Variants in OLA1 observed in about 807,000 individuals in gnomAD.
OLA1 encodes obg-like ATPase 1.
OLA1 carries 14 observed loss-of-function variants against 48.4 expected under a neutral mutation model. The ratio of observed to expected loss-of-function variants is 0.29; its 90% confidence interval spans 0.19 to 0.45. The LOEUF (loss-of-function observed/expected upper bound fraction) is 0.45. OLA1 is among the 20% of genes least tolerant of loss of function. OLA1 has a pLI of 1.00. For synonymous variants in OLA1, 127 were observed against 150.4 expected, an observed-to-expected ratio of 0.84 and a Z score of 1.14; for missense variants, 325 against 467.1, an observed-to-expected ratio of 0.70 and a Z score of 2.80.
chr2:174,102,350 T>G (rs917168665), intron 7 of OLA1, among the ~76,000 whole-genome samples: 1 of 151,676 alleles, frequency 6.6e-6, no homozygotes, highest in Admixed American at 6.6e-5. Flanking sequence ...AAGTTAACAA[T>G]TCCACAATTA....
At chr2:174,131,060 A>G (rs1156731406) in intron 5 of OLA1, among the ~76,000 whole-genome samples, 2 of 152,220 alleles carry the variant, frequency 1.3e-5, no homozygotes, top group Non-Finnish European at 2.9e-5. Flanking sequence ...GAACTACCAG[A>G]GAATGAACAC....
At chr2:174,110,134 C>T (rs769343420) in intron 7 of OLA1, among the ~76,000 whole-genome samples, 173 of 113,990 alleles carry the variant, frequency 1.5e-3, no homozygotes, top group Admixed American at 2.4e-3. Flanking sequence ...CTTGTTCTGT[C>T]GCCCAGTCTG....
chr2:174,097,597 G>A (rs112068138), intron 7 of OLA1, among the ~76,000 whole-genome samples: 255 of 151,680 alleles, frequency 1.7e-3, no homozygotes, highest in African/African-American at 6.0e-3. Context: ...GGGGCCAGGA[G>A]TCTGAGACCA....
At chr2:174,191,462 T>C (rs542504032) in intron 4 of OLA1, among the ~76,000 whole-genome samples, 47 of 152,140 alleles carry the variant, frequency 3.1e-4, no homozygotes, top group Non-Finnish European at 6.0e-4. Flanking sequence ...TTTTTTCTTT[T>C]GTGAAGACAG....
rs769087977 is a variant in OLA1 at position 174,079,007 on chromosome 2, G to T, written c.1050C>A (p.Tyr350Ter). The T allele has an allele frequency of 6.2e-7, 1 of 1,602,030 alleles. No individual in the cohort carries two copies. The highest frequency in any genetic ancestry group is 8.5e-7 in the Non-Finnish European group (1 of 1,174,816). Residue 350 changes from tyrosine to a stop codon, truncating the protein, a stop_gained, in exon 10 of 11, where the codon TAC (tyrosine) becomes TAA (stop). Coordinates refer to ENST00000284719, the MANE Select transcript of OLA1 (RefSeq NM_013341.5). LOFTEE classifies it high-confidence loss of function. ...CAGAACCTTCCTCTTTAAAATCTTC[G>T]TATTTCATTACTTCAGCCATAATGA... ...KGFIMAEVMK[Y>*]EDFKEEGSEN...
rs942171773 is a variant in OLA1, at chr2:174,075,259, G to GA, written c.*166_*167insT. ...TTAGTGAACCTGCATTTCATGGGGG[G>GA]GGGGGGGTACACAGTATTTTAATTT... On this transcript the variant is annotated 3_prime_UTR_variant, in exon 11 of 11. Transcript: ENST00000284719. The GA allele has an allele frequency of 6.2e-5, 32 of 514,270 alleles. 1 individual carries two copies. The highest frequency in any genetic ancestry group is 5.5e-4 in the African/African-American group (27 of 48,912). 31.9% of individuals were successfully genotyped at this position (514,270 alleles called of 1,614,324 possible).
At chr2:174,118,552 C>A (rs1348159368) in intron 7 of OLA1, among the ~76,000 whole-genome samples, 1 of 152,100 alleles carries the variant, frequency 6.6e-6, no homozygotes, top group Non-Finnish European at 1.5e-5. Context: ...ATGACAGAAT[C>A]CTAAGGAACA....
At chr2:174,171,300 T>C (rs1056067090) in intron 4 of OLA1, among the ~76,000 whole-genome samples, 1 of 152,188 alleles carries the variant, frequency 6.6e-6, no homozygotes, top group African/African-American at 2.4e-5. Flanking sequence ...TTATAGAACA[T>C]TACATTCAAT....
intron 4 of OLA1, among the ~76,000 whole-genome samples, chr2:174,196,450 G>C (rs921126961): frequency 6.6e-6 from 1 of 152,128 alleles, no homozygotes; most frequent in Non-Finnish European, 1.5e-5. Flanking sequence ...CAAAATAAGG[G>C]AGAGATTTTT....
At chr2:174,202,986 T>C (rs1029830056) in intron 4 of OLA1, among the ~76,000 whole-genome samples, 2 of 152,172 alleles carry the variant, frequency 1.3e-5, no homozygotes, top group African/African-American at 2.4e-5. Context: ...AAGGGTCAAC[T>C]GTACATAAAT....
At chr2:174,142,882 C>G (rs1054785435) in intron 4 of OLA1, among the ~76,000 whole-genome samples, 2 of 152,116 alleles carry the variant, frequency 1.3e-5, no homozygotes, top group African/African-American at 2.4e-5. Flanking sequence ...AAACAATACA[C>G]ACATTTATAA....
intron 4 of OLA1, among the ~76,000 whole-genome samples, chr2:174,145,709 C>T (rs974693353): frequency 1.3e-5 from 2 of 152,146 alleles, no homozygotes; most frequent in African/African-American, 2.4e-5. Flanking sequence ...TTTCCACTTA[C>T]ATTAGTGACA....
chr2:174,213,850 T>C (rs16862472), intron 4 of OLA1, among the ~76,000 whole-genome samples: 1,618 of 152,274 alleles, frequency 0.011, 34 homozygotes, highest in African/African-American at 0.036. Flanking sequence ...CAATGTCATT[T>C]GTAATTTTTT....
At chr2:174,191,702 A>G (rs1687781795) in intron 4 of OLA1, among the ~76,000 whole-genome samples, 1 of 152,076 alleles carries the variant, frequency 6.6e-6, no homozygotes, top group Non-Finnish European at 1.5e-5. Context: ...ACCTCAAGCA[A>G]TCCTCTCAGC....
At chr2:174,204,683 T>C (rs1433644276) in intron 4 of OLA1, among the ~76,000 whole-genome samples, 1 of 152,160 alleles carries the variant, frequency 6.6e-6, no homozygotes, top group Non-Finnish European at 1.5e-5. Flanking sequence ...TCACTAAAGC[T>C]ATTATTAATA....
chr2:174,081,877 A>G, intron 8 of OLA1, 47 bp downstream of exon 8: 1 of 1,580,532 alleles, frequency 6.3e-7, no homozygotes, highest in Non-Finnish European at 8.7e-7. Flanking sequence ...AATTACTGCA[A>G]GGAAATAGTT....
chr2:174,213,828 G>C (rs1688301384), intron 4 of OLA1, among the ~76,000 whole-genome samples: 1 of 151,824 alleles, frequency 6.6e-6, no homozygotes, highest in African/African-American at 2.4e-5. Context: ...TTTTAAAAAG[G>C]GTATTCATTA....
intron 5 of OLA1, among the ~76,000 whole-genome samples, chr2:174,127,898 C>T (rs922543882): frequency 1.3e-5 from 2 of 151,714 alleles, no homozygotes; most frequent in Non-Finnish European, 2.9e-5. Context: ...CTAACAAATT[C>T]CAGTTAAAAT....
At chr2:174,081,128 C>G (rs1267060222) in intron 9 of OLA1, 24 bp downstream of exon 9, 2 of 1,575,914 alleles carry the variant, frequency 1.3e-6, no homozygotes, top group African/African-American at 1.4e-5. Context: ...CTGGATATAG[C>G]TGATGAATAA....
Sources: allele counts gnomAD v4.1 joint callset (sites outside exome capture counted in the v4.1 genomes callset), GRCh38; gene constraint gnomAD v4.1.1; transcripts MANE v1.5; gene names NCBI Gene and HGNC (gene_info 2026-07-23, HGNC 2026-07-21).